The following TENM2 variants were observed in gnomAD, a reference collection of about 807,000 sequenced individuals.
TENM2 encodes teneurin-2.
In TENM2, 52 loss-of-function variants were observed where a neutral mutation model predicts 245.2. The observed-to-expected ratio is 0.21, with a 90% CI of 0.17 to 0.27. TENM2 has a LOEUF of 0.27. Ranked by LOEUF, TENM2 falls within the 10% of genes least tolerant of loss-of-function variation. The pLI, the probability that TENM2 is intolerant of heterozygous loss-of-function variation, is 1.00. For missense variants in TENM2, 3,046 were observed against 3,666.8 expected, an observed-to-expected ratio of 0.83 and a Z score of 4.37; for synonymous variants, 1,363 against 1,438.9, an observed-to-expected ratio of 0.95 and a Z score of 1.19.
the TENM2 span, among the ~76,000 whole-genome samples, chr5:167,066,490 C>G: frequency 1.7e-4 from 26 of 151,874 alleles, no homozygotes; most frequent in Non-Finnish European, 2.2e-4. Context: ...ATTAACTCGT[C>G]ATTTAGCATT....
chr5:167,493,342 T>C (rs1768571731), intron 2 of TENM2, among the ~76,000 whole-genome samples: 1 of 152,082 alleles, frequency 6.6e-6, no homozygotes, highest in Non-Finnish European at 1.5e-5. Context: ...CATCAGGCCA[T>C]ATTTATTATG....
intron 2 of TENM2, among the ~76,000 whole-genome samples, chr5:167,500,457 A>G (rs1769137029): frequency 6.6e-6 from 1 of 152,132 alleles, no homozygotes. Flanking sequence ...AATTGTCAAT[A>G]AATTTTCTCC....
chr5:167,429,604 T>TCC (rs1289144023), intron 2 of TENM2, among the ~76,000 whole-genome samples: 1 of 131,110 alleles, frequency 7.6e-6, no homozygotes, highest in African/African-American at 3.1e-5. Flanking sequence ...TCTCTCTCTC[T>TCC]CTCTTTTTTT....
chr5:167,942,558 A>G (rs1219788642), intron 3 of TENM2, among the ~76,000 whole-genome samples: 2 of 152,126 alleles, frequency 1.3e-5, no homozygotes, highest in South Asian at 2.1e-4. Flanking sequence ...TCTTATGGCA[A>G]TGCCTCTTCC....
intron 4 of TENM2, among the ~76,000 whole-genome samples, chr5:167,968,796 T>C (rs1017518312): frequency 2.0e-5 from 3 of 152,068 alleles, no homozygotes; most frequent in African/African-American, 7.2e-5. Flanking sequence ...CACTGAAGCA[T>C]TTGGTGGGAC....
At chr5:167,562,771 A>G (rs1773676128) in intron 2 of TENM2, among the ~76,000 whole-genome samples, 1 of 152,054 alleles carries the variant, frequency 6.6e-6, no homozygotes, top group Admixed American at 6.5e-5. Context: ...AGCCTGGCCA[A>G]CACGGTGAAA....
intron 2 of TENM2, among the ~76,000 whole-genome samples, chr5:167,685,432 C>T (rs1582748056): frequency 6.6e-6 from 1 of 152,122 alleles, no homozygotes; most frequent in African/African-American, 2.4e-5. Flanking sequence ...CAGCCTTCCT[C>T]GGCCTTCTTT....
chr5:167,224,060 T>G, the TENM2 span, among the ~76,000 whole-genome samples: 1 of 152,128 alleles, frequency 6.6e-6, no homozygotes, highest in Non-Finnish European at 1.5e-5. Flanking sequence ...ATGTTTGTGT[T>G]GTTTGAGTTC....
chr5:167,707,213 TG>T (rs780654177), intron 2 of TENM2, among the ~76,000 whole-genome samples: 1 of 152,110 alleles, frequency 6.6e-6, no homozygotes, highest in Non-Finnish European at 1.5e-5. Flanking sequence ...ATGTCTTCTT[TG>T]GAGAAATATC....
intron 2 of TENM2, among the ~76,000 whole-genome samples, chr5:167,764,494 C>G (rs1202943156): frequency 1.3e-5 from 2 of 152,158 alleles, no homozygotes; most frequent in African/African-American, 4.8e-5. Flanking sequence ...AGAAGGAGAC[C>G]TCTATTGAAT....
chr5:167,827,260 G>A (rs1361358215), intron 2 of TENM2, among the ~76,000 whole-genome samples: 1 of 152,192 alleles, frequency 6.6e-6, no homozygotes, highest in Non-Finnish European at 1.5e-5. Context: ...ATCTTCAGTG[G>A]AACAGAATGC....
Position 168,218,212 on chromosome 5 carries a change from A to G in TENM2, c.4321A>G (p.Thr1441Ala), listed in dbSNP as rs1186934087. 1 of 1,613,776 alleles carries G rather than the reference A, an allele frequency of 6.2e-7. No homozygotes were observed. Among genetic ancestry groups the G allele is most frequent in the East Asian group, 2.2e-5 (1 of 44,878 alleles). ...AGAGAACAATGTCATCCTTCGAATCACCGAGAACCACCAAGTCAGCATCAT... is the reference window on the plus strand; with the variant it reads ...AGAGAACAATGTCATCCTTCGAATCGCCGAGAACCACCAAGTCAGCATCAT... The change falls in exon 23 of 29, where the codon ACC becomes GCC. Residue 1441 changes from threonine to alanine, a missense_variant. This residue lies in a region of TENM2 where 2,704 missense variants were observed against 3,331.9 expected (regional missense o/e 0.81). Transcript: ENST00000518659. This position sits in a 1 kb window ranked among gnomAD's most constrained non-coding sequence, Gnocchi z 5.2.
At chr5:167,481,784 C>T (rs1007208505) in intron 2 of TENM2, among the ~76,000 whole-genome samples, 2 of 152,190 alleles carry the variant, frequency 1.3e-5, no homozygotes, top group African/African-American at 4.8e-5. Context: ...AAAAGAATTT[C>T]AGTCTTTTCA....
chr5:168,179,236 G>A (rs35359043), intron 13 of TENM2, among the ~76,000 whole-genome samples: 10,303 of 151,818 alleles, frequency 0.068, 442 homozygotes, highest in Middle Eastern at 0.15. Context: ...CTTGGGCAAG[G>A]CCCTTAAGCT....
intron 2 of TENM2, among the ~76,000 whole-genome samples, chr5:167,800,444 T>C (rs1246455032): frequency 6.6e-6 from 1 of 152,222 alleles, no homozygotes; most frequent in Non-Finnish European, 1.5e-5. Context: ...ATTATCCAGG[T>C]GACTTGCTCA....
the TENM2 span, among the ~76,000 whole-genome samples, chr5:167,154,247 T>A: frequency 6.6e-6 from 1 of 152,226 alleles, no homozygotes; most frequent in Non-Finnish European, 1.5e-5. Flanking sequence ...ATTTAACCAA[T>A]AACAGATTTA....
intron 1 of TENM2, among the ~76,000 whole-genome samples, chr5:167,360,244 A>G (rs942791382): frequency 6.6e-6 from 1 of 152,236 alleles, no homozygotes; most frequent in African/African-American, 2.4e-5. Context: ...GCCCTAAAAA[A>G]GGTGTCAGAT....
At chr5:167,275,484 T>G in the TENM2 span, among the ~76,000 whole-genome samples, 2 of 152,122 alleles carry the variant, frequency 1.3e-5, no homozygotes, top group African/African-American at 4.8e-5. Context: ...AGTCCTTCAA[T>G]CCATGACACA....
chr5:167,449,885 G>A (rs1049561278), intron 2 of TENM2, among the ~76,000 whole-genome samples: 1 of 152,146 alleles, frequency 6.6e-6, no homozygotes, highest in African/African-American at 2.4e-5. Context: ...TTGAACCTGC[G>A]AGGCGGAGGT....
Sources: gnomAD v4.1 joint callset for allele counts (sites outside exome capture counted in the v4.1 genomes callset) on GRCh38, gnomAD v4.1.1 for gene constraint, gnomAD v4.1.1 regional missense constraint, Gnocchi (gnomAD v3.1) non-coding constraint, MANE v1.5 for transcripts, NCBI Gene and HGNC (gene_info 2026-07-23, HGNC 2026-07-21) for gene names.